The following EHBP1L1 variants were observed in gnomAD, a reference collection of about 807,000 sequenced individuals.
EHBP1L1 encodes EH domain binding protein 1 like 1, also known as EH domain-binding protein 1-like protein 1.
EHBP1L1 carries 122 observed loss-of-function variants against 151.1 expected under a neutral mutation model. The ratio of observed to expected loss-of-function variants is 0.81; its 90% CI spans 0.70 to 0.94. The LOEUF is 0.94. Ranked by LOEUF, EHBP1L1 falls within the 40% of genes least tolerant of loss-of-function variation. EHBP1L1 has a pLI of 0.00. For synonymous variants in EHBP1L1, 878 were observed against 810.1 expected, an observed-to-expected ratio of 1.08 and a Z score of -1.42; for missense variants, 1,941 against 1,959.8, an observed-to-expected ratio of 0.99 and a Z score of 0.18.
At chr11:65,591,767 C>CA in intron 16 of EHBP1L1, 33 bp from the exon 17 acceptor site, 1 of 815,844 alleles carries the variant, frequency 1.2e-6, no homozygotes, top group Non-Finnish European at 2.1e-6. Flanking sequence ...TGAACTGCCA[C>CA]CCCCCCGCCA....
intron 16 of EHBP1L1, among the ~76,000 whole-genome samples, chr11:65,590,995 C>T (rs1352226311): frequency 6.6e-6 from 1 of 151,314 alleles, no homozygotes; most frequent in Non-Finnish European, 1.5e-5. Flanking sequence ...CAGACCATTA[C>T]ACTCTAGTCT....
At chr11:65,586,247 C>T (rs920562873) in intron 12 of EHBP1L1, among the ~76,000 whole-genome samples, 2 of 152,188 alleles carry the variant, frequency 1.3e-5, no homozygotes, top group Non-Finnish European at 2.9e-5. Flanking sequence ...CCTAGAGTGT[C>T]GTGTCACTGT....
rs116195358 is a variant in EHBP1L1 at position 65,585,855 on chromosome 11, T to C, written c.3933+264T>C. On this transcript the variant is annotated intron_variant, in intron 12 of 18. Transcript: ENST00000309295. This position sits in a 1 kb window ranked among gnomAD's most constrained non-coding sequence, Gnocchi z 4.0. ...AGGCCCACCAGGCAGGGTCCCCAGCTTTGCGGCCAGCCTGGGATAAGTGCT... is the reference window on the plus strand; with the variant it reads ...AGGCCCACCAGGCAGGGTCCCCAGCCTTGCGGCCAGCCTGGGATAAGTGCT... 6.6e-6 allele frequency among the ~76,000 whole-genome samples: 1 copy of C among 152,346 alleles called. No homozygotes were observed. The highest frequency in any genetic ancestry group is 2.4e-5 in the African/African-American group (1 of 41,588).
Position 65,585,054 on chromosome 11 carries a change from G to C in EHBP1L1, c.3396G>C (p.Thr1132=). Residue 1132 remains threonine, a synonymous_variant, in exon 12 of 19, where the codon ACG becomes ACC. Transcript: ENST00000309295. The surrounding 1 kb of genome is among the most constrained non-coding windows in gnomAD (Gnocchi z 4.0). ...TGCCCGACAAGCTCATCGTCATGACGTACCTGTGCCAGATCCGCGCCTTCT... is the reference window on the plus strand; with the variant it reads ...TGCCCGACAAGCTCATCGTCATGACCTACCTGTGCCAGATCCGCGCCTTCT... ...LSVPDKLIVM[T]YLCQIRAFCT... 2 of 1,543,334 alleles carry C rather than the reference G, an allele frequency of 1.3e-6. No homozygotes were observed. Among genetic ancestry groups the C allele is most frequent in the Non-Finnish European group, 1.7e-6 (2 of 1,151,858 alleles).
rs966929692 is a variant in EHBP1L1, at chr11:65,585,727, C to G, written c.3933+136C>G. ...GTGACGGTTTCAGAGTGGCGGGGCT[C>G]GGCTGGACCCAGGAGGGGCTATCTG... On this transcript the variant is annotated intron_variant, in intron 12 of 18. Transcript: ENST00000309295. The surrounding 1 kb of genome is among the most constrained non-coding windows in gnomAD (Gnocchi z 4.0). 25 of 1,390,528 alleles carry G rather than the reference C, an allele frequency of 1.8e-5. No homozygotes were observed. Among genetic ancestry groups the G allele is most frequent in the South Asian group, 3.9e-5 (3 of 77,040 alleles). 86.1% of individuals were successfully genotyped at this position (1,390,528 alleles called of 1,614,324 possible). A position where few individuals can be genotyped will look rare whatever the true frequency, so the allele number is the denominator to read the frequency against.
Position 65,580,380 on chromosome 11 carries a change from C to A in EHBP1L1, c.535C>A (p.Pro179Thr). 6.2e-7 allele frequency: 1 copy of A among 1,613,812 alleles called. No homozygotes were observed. The highest frequency in any genetic ancestry group is 8.5e-7 in the Non-Finnish European group (1 of 1,179,850). Residue 179 changes from proline to threonine, a missense_variant, in exon 6 of 19, where the codon CCT becomes ACT. Coordinates refer to ENST00000309295, the MANE Select transcript of EHBP1L1 (RefSeq NM_001099409.3). Reference protein sequence around the residue: ...QSLASLMSVKPSDVGNLDDFA... With the variant: ...QSLASLMSVKTSDVGNLDDFA... ...TCTCGCAAGCCTCATGAGTGTGAAG[C>A]CTAGTGATGTGGGCAACTTGGATGA...
chr11:65,578,596 TG>T (rs1354482223), intron 1 of EHBP1L1, among the ~76,000 whole-genome samples: 4 of 152,230 alleles, frequency 2.6e-5, no homozygotes, highest in African/African-American at 9.6e-5. Context: ...GTCTCTCTTT[TG>T]CCCTCCTCTG....
At chr11:65,590,037 T>C (rs1858182207) in intron 14 of EHBP1L1, 46 bp downstream of exon 14, 2 of 1,611,458 alleles carry the variant, frequency 1.2e-6, no homozygotes, top group Admixed American at 3.3e-5. Context: ...GCACCACCTA[T>C]TCAGGGCCTG....
At position 65,584,478 on chromosome 11, in the gene EHBP1L1, C is replaced by T. The variant is rs764955829; in HGVS notation, c.3252-8C>T. The T allele has an allele frequency of 3.1e-6, 5 of 1,613,438 alleles. No individual in the cohort carries two copies. The highest frequency in any genetic ancestry group is 3.3e-4 in the Middle Eastern group (2 of 6,062). On this transcript the variant is annotated splice_region_variant and splice_polypyrimidine_tract_variant and intron_variant, in intron 10 of 18. Coordinates refer to ENST00000309295, the MANE Select transcript of EHBP1L1 (RefSeq NM_001099409.3). The stretch of plus-strand genomic sequence containing the variant: ...GGACCCAGCCTCTGACCAGCACACT[C>T]TCTGCAGTGACTATGCCTCGCTAGA...
chr11:65,582,132 G>T lies in EHBP1L1; in HGVS notation c.1460G>T (p.Gly487Val). Residue 487 changes from glycine (G) to valine (V), a missense_variant, in exon 9 of 19, where the codon GGG becomes GTG. Coordinates refer to ENST00000309295, the MANE Select transcript of EHBP1L1 (RefSeq NM_001099409.3). Reference sequence around the variant, plus strand: ...AGCCTGCCCCCAGCGGAGCCTGCAGGGCACTCTGGGCAACTTGGTGACCTC... The same window carrying T: ...AGCCTGCCCCCAGCGGAGCCTGCAGTGCACTCTGGGCAACTTGGTGACCTC... Reference protein sequence around the residue: ...GLSLPPAEPAGHSGQLGDLEG... With the variant: ...GLSLPPAEPAVHSGQLGDLEG... 6.3e-7 allele frequency: 1 copy of T among 1,592,194 alleles called. No homozygotes were observed. Among genetic ancestry groups the T allele is most frequent in the Non-Finnish European group, 8.5e-7 (1 of 1,169,642 alleles).
At chr11:65,577,979 G>T (rs188404974) in intron 1 of EHBP1L1, among the ~76,000 whole-genome samples, 8 of 152,228 alleles carry the variant, frequency 5.3e-5, no homozygotes, top group Non-Finnish European at 7.4e-5. Flanking sequence ...GCCCTGGGCC[G>T]GATCGTCCCC....
Position 65,583,173 on chromosome 11 carries a change from T to C in EHBP1L1, c.2501T>C (p.Leu834Pro), listed in dbSNP as rs1590823378. The C allele has an allele frequency of 6.2e-7, 1 of 1,613,214 alleles. No homozygotes were observed. Among genetic ancestry groups the C allele is most frequent in the East Asian group, 2.2e-5 (1 of 44,858 alleles). ...IASRSSGVPG[L>P]ESEVAGAQET... Reference sequence around the variant, plus strand: ...TCTAGGAGTTCAGGGGTCCCAGGGCTAGAATCTGAGGTAGCTGGGGCCCAG... The same window carrying C: ...TCTAGGAGTTCAGGGGTCCCAGGGCCAGAATCTGAGGTAGCTGGGGCCCAG... Residue 834 changes from leucine (L) to proline (P), a missense_variant, in exon 9 of 19, where the codon CTA becomes CCA. Transcript: ENST00000309295.
intron 12 of EHBP1L1, among the ~76,000 whole-genome samples, chr11:65,587,500 G>T (rs547672209): frequency 6.6e-6 from 1 of 152,182 alleles, no homozygotes; most frequent in Non-Finnish European, 1.5e-5. Context: ...TGCCTGTCCC[G>T]TCAGCTCAGC....
intron 1 of EHBP1L1, chr11:65,578,374 C>T (rs1857426776): frequency 6.6e-6 from 1 of 152,628 alleles, no homozygotes; most frequent in Admixed American, 6.5e-5. Flanking sequence ...TCTGATGTCA[C>T]CCTCCAGCCG....
chr11:65,582,054 G>A lies in EHBP1L1; in HGVS notation c.1382G>A (p.Gly461Asp). 6.2e-7 allele frequency: 1 copy of A among 1,613,094 alleles called. No individual in the cohort carries two copies. Among genetic ancestry groups the A allele is most frequent in the Non-Finnish European group, 8.5e-7 (1 of 1,179,706 alleles). ...GGGACCCCTGAGGCTCCTCCAAGGGGCTCTCAGGGGAGGCTGGGAGTCAGG... is the reference window on the plus strand; with the variant it reads ...GGGACCCCTGAGGCTCCTCCAAGGGACTCTCAGGGGAGGCTGGGAGTCAGG... ...CRGTPEAPPRGSQGRLGVRTR... is the reference protein window; with the variant it reads ...CRGTPEAPPRDSQGRLGVRTR... The change falls in exon 9 of 19, where the codon GGC becomes GAC. Residue 461 changes from glycine (G) to aspartate (D), a missense_variant. Gly to Asp is a moderately conservative substitution (Grantham distance 94, BLOSUM62 -1). Transcript: ENST00000309295.
At position 65,582,748 on chromosome 11, in the gene EHBP1L1, T is replaced by C; in HGVS notation, c.2076T>C (p.Asp692=). ...ATTTAGGGCCACTGAAGATAGAAGA[T>C]ACAATACAGTCTGAGATGCTGGGGA... ...SGDLGPLKIE[D]TIQSEMLGTQ... Residue 692 remains aspartate (D), a synonymous_variant, in exon 9 of 19, where the codon GAT becomes GAC. Coordinates refer to ENST00000309295, the MANE Select transcript of EHBP1L1 (RefSeq NM_001099409.3). The C allele has an allele frequency of 2.5e-6, 4 of 1,613,384 alleles. No individual in the cohort carries two copies. The highest frequency in any genetic ancestry group is 3.4e-6 in the Non-Finnish European group (4 of 1,179,782).
Position 65,583,755 on chromosome 11 carries a change from C to T in EHBP1L1, c.3083C>T (p.Pro1028Leu), listed in dbSNP as rs771777001. 150 of 1,490,058 alleles carry T rather than the reference C, an allele frequency of 1.0e-4. No homozygotes were observed. The highest frequency in any genetic ancestry group is 1.3e-4 in the Non-Finnish European group (142 of 1,122,986). 92.3% of individuals were successfully genotyped at this position (1,490,058 alleles called of 1,614,324 possible). Residue 1028 changes from proline to leucine, a missense_variant, in exon 9 of 19, where the codon CCG becomes CTG. Coordinates refer to ENST00000309295, the MANE Select transcript of EHBP1L1 (RefSeq NM_001099409.3). ...PEKAEEDRRL[P>L]GSQAPPALVS... ...AAGGCTGAAGAGGACAGGAGGCTGC[C>T]GGGCAGCCAGGTAGGGATGGGGGCC...
At chr11:65,580,818 G>A in intron 6 of EHBP1L1, 5 of 1,066,938 alleles carry the variant, frequency 4.7e-6, no homozygotes, top group South Asian at 1.9e-5. Flanking sequence ...TCCTGGGCCA[G>A]CTGGGGCTTC....
Position 65,585,445 on chromosome 11 carries a change from G to C in EHBP1L1, c.3787G>C (p.Gly1263Arg). The change falls in exon 12 of 19, where the codon GGG (glycine) becomes CGG (arginine). Residue 1263 changes from glycine (G) to arginine (R), a missense_variant. Physicochemically the swap from Gly to Arg is moderately radical, Grantham distance 125. Coordinates refer to ENST00000309295, the MANE Select transcript of EHBP1L1 (RefSeq NM_001099409.3). The surrounding 1 kb of genome is among the most constrained non-coding windows in gnomAD (Gnocchi z 4.0). Reference sequence around the variant, plus strand: ...ACGGCCCTCGGTCAACGGGGAGCCCGGGTCGGTGCCCCCGCCCCGCGCGCA... The same window carrying C: ...ACGGCCCTCGGTCAACGGGGAGCCCCGGTCGGTGCCCCCGCCCCGCGCGCA... Reference protein sequence around the residue: ...LRRPSVNGEPGSVPPPRAHGS... With the variant: ...LRRPSVNGEPRSVPPPRAHGS... 6.6e-7 allele frequency: 1 copy of C among 1,507,620 alleles called. No individual in the cohort carries two copies. The highest frequency in any genetic ancestry group is 8.8e-7 in the Non-Finnish European group (1 of 1,133,670). The allele number at this position is 1,507,620 out of a possible 1,614,324, so 93.4% of individuals were successfully genotyped here.
Sources: allele counts gnomAD v4.1 joint callset (sites outside exome capture counted in the v4.1 genomes callset), GRCh38; gene constraint gnomAD v4.1.1; non-coding constraint Gnocchi (gnomAD v3.1); transcripts MANE v1.5; gene names NCBI Gene and HGNC (gene_info 2026-07-23, HGNC 2026-07-21).